The following SLC30A6 variants were observed in gnomAD, a reference collection of about 807,000 sequenced individuals.
SLC30A6 encodes zinc transporter 6.
Under a neutral mutation model 63.0 loss-of-function variants are expected in SLC30A6, and 55 were observed. The ratio of observed to expected loss-of-function variants is 0.87; its 90% confidence interval spans 0.70 to 1.09. SLC30A6 has a LOEUF of 1.09. SLC30A6 is among the 50% of genes least tolerant of loss of function. The probability of loss-of-function intolerance (pLI) is 0.00; values close to 1 mark genes in which losing one functional copy is unlikely to be tolerated. For synonymous variants in SLC30A6, 224 were observed against 186.1 expected, an observed-to-expected ratio of 1.20 and a Z score of -1.66; for missense variants, 587 against 549.2, an observed-to-expected ratio of 1.07 and a Z score of -0.69.
At chr2:32,173,264 A>G (rs1681396500) in intron 2 of SLC30A6, among the ~76,000 whole-genome samples, 1 of 152,148 alleles carries the variant, frequency 6.6e-6, no homozygotes, top group Non-Finnish European at 1.5e-5. Flanking sequence ...GTGCCCACTA[A>G]TTCACATAAA....
At chr2:32,213,821 T>A (rs1685467651) in intron 13 of SLC30A6, among the ~76,000 whole-genome samples, 1 of 144,684 alleles carries the variant, frequency 6.9e-6, no homozygotes, top group Non-Finnish European at 1.5e-5. Context: ...GTTTTTGTTT[T>A]GAGACGGAGT....
intron 12 of SLC30A6, among the ~76,000 whole-genome samples, chr2:32,207,667 C>T (rs1396994312): frequency 1.4e-5 from 2 of 141,726 alleles, no homozygotes; most frequent in African/African-American, 5.2e-5. Context: ...GTCCACAGCG[C>T]CTGGCCCGCC....
intron 10 of SLC30A6, among the ~76,000 whole-genome samples, chr2:32,199,975 C>T (rs1366075532): frequency 2.0e-5 from 3 of 151,882 alleles, no homozygotes; most frequent in African/African-American, 4.8e-5. Context: ...ATTAGCTGGG[C>T]GTGGTGATGC....
At chr2:32,189,096 CAT>C (rs1683092879) in intron 5 of SLC30A6, among the ~76,000 whole-genome samples, 1 of 152,080 alleles carries the variant, frequency 6.6e-6, no homozygotes, top group Non-Finnish European at 1.5e-5. Context: ...TTTTAGTGCA[CAT>C]GTGTACCCAT....
In SLC30A6 at chr2:32,175,199, G is replaced by A. The variant is rs1045707451; in HGVS notation, c.176-120G>A. 4 of 798,466 alleles carry A rather than the reference G, an allele frequency of 5.0e-6. No homozygotes were observed. In the African/African-American group the frequency reaches 7.0e-5, roughly 14 times the overall value. The allele number at this position is 798,466 out of a possible 1,614,324, so 49.5% of individuals were successfully genotyped here. A position where few individuals can be genotyped will look rare whatever the true frequency, so the allele number is the denominator to read the frequency against. ...AGATAACTGCCAATATATGAGGTTG[G>A]CCCGTGACTCAAAAGTTTTTTTGAT... On this transcript the variant is annotated intron_variant, in intron 3 of 13. Transcript: ENST00000282587.
rs571870955 is a variant in SLC30A6 at position 32,197,021 on chromosome 2, C to G, written c.497-323C>G. On this transcript the variant is annotated intron_variant, in intron 8 of 13. Coordinates refer to ENST00000282587, the MANE Select transcript of SLC30A6 (RefSeq NM_017964.5). ...GTTGCAGTGAGCCGAGATGGCACCA[C>G]TGCACTCCAGCCTGGGCAGAAAGAG... Among the ~76,000 whole-genome samples the G allele has an allele frequency of 3.0e-3, 463 of 152,296 alleles. 1 individual carries two copies. The highest frequency in any genetic ancestry group is 0.011 in the African/African-American group (440 of 41,574).
At chr2:32,214,257 T>G (rs893524982) in intron 13 of SLC30A6, among the ~76,000 whole-genome samples, 4 of 152,140 alleles carry the variant, frequency 2.6e-5, no homozygotes, top group Admixed American at 1.3e-4. Flanking sequence ...TTTTATGGGA[T>G]AATCTTTGTA....
At chr2:32,186,273 T>C (rs1682805397) in intron 5 of SLC30A6, among the ~76,000 whole-genome samples, 1 of 152,220 alleles carries the variant, frequency 6.6e-6, no homozygotes, top group Non-Finnish European at 1.5e-5. Context: ...GGCCTCAAAG[T>C]GCCAGGCCCA....
intron 4 of SLC30A6, among the ~76,000 whole-genome samples, chr2:32,181,847 G>T (rs555053728): frequency 1.1e-4 from 17 of 150,744 alleles, no homozygotes; most frequent in African/African-American, 3.9e-4. Flanking sequence ...CAACCTGGGC[G>T]ACAGAGTGAG....
chr2:32,202,325 A>G, intron 10 of SLC30A6: 1 of 402,240 alleles, frequency 2.5e-6, no homozygotes. Context: ...AGATCAAGAA[A>G]CAGTTTTTTG....
At chr2:32,210,446 C>G (rs1219585661) in intron 13 of SLC30A6, among the ~76,000 whole-genome samples, 1 of 135,854 alleles carries the variant, frequency 7.4e-6, no homozygotes, top group African/African-American at 2.8e-5. Context: ...ACCCGGGAGG[C>G]AGAGGTTGCA....
At chr2:32,187,725 T>C (rs1682961551) in intron 5 of SLC30A6, among the ~76,000 whole-genome samples, 1 of 152,198 alleles carries the variant, frequency 6.6e-6, no homozygotes. Context: ...ACCTATTCCT[T>C]TGTAGTTTTC....
At chr2:32,197,492 C>G in intron 9 of SLC30A6, 100 bp downstream of exon 9, 1 of 1,297,154 alleles carries the variant, frequency 7.7e-7, no homozygotes, top group South Asian at 1.2e-5. Flanking sequence ...GAGGTTACTA[C>G]GTGAATCACA....
chr2:32,186,928 C>T (rs1473160908), intron 5 of SLC30A6, among the ~76,000 whole-genome samples: 1 of 134,900 alleles, frequency 7.4e-6, no homozygotes, highest in Non-Finnish European at 1.5e-5. Flanking sequence ...ACCTGGGAGG[C>T]AGAGGTTTCA....
intron 13 of SLC30A6, among the ~76,000 whole-genome samples, chr2:32,219,755 G>C (rs1686012676): frequency 6.6e-6 from 1 of 152,060 alleles, no homozygotes; most frequent in Non-Finnish European, 1.5e-5. Flanking sequence ...TTATATATTG[G>C]TATTATTGCT....
At chr2:32,175,471 G>C in intron 4 of SLC30A6, 110 bp downstream of exon 4, 1 of 877,854 alleles carries the variant, frequency 1.1e-6, no homozygotes, top group Non-Finnish European at 1.8e-6. Context: ...TATCTTACAA[G>C]AAAACAATAA....
chr2:32,201,232 G>C (rs528285633), intron 10 of SLC30A6, among the ~76,000 whole-genome samples: 1 of 152,324 alleles, frequency 6.6e-6, no homozygotes, highest in African/African-American at 2.4e-5. Context: ...TTTCTAGCAT[G>C]TGGGGAAAAG....
chr2:32,197,288 C>T (rs1470553058), intron 8 of SLC30A6, 56 bp from the exon 9 acceptor site: 2 of 1,454,744 alleles, frequency 1.4e-6, no homozygotes, highest in Non-Finnish European at 1.9e-6. Context: ...TCAAATATTT[C>T]AGGTAGTGGT....
Position 32,206,918 on chromosome 2 carries a change from C to A in SLC30A6, c.801C>A (p.Asp267Glu), listed in dbSNP as rs141245207. 1 of 1,609,562 alleles carries A rather than the reference C, an allele frequency of 6.2e-7. No homozygotes were observed. Among genetic ancestry groups the A allele is most frequent in the African/African-American group, 1.3e-5 (1 of 74,810 alleles). ...TTPPHVIGQL[D>E]KLIREVSTLD... is the part of the protein sequence containing the mutation. ...CACCCCATGTTATTGGTCAGTTGGA[C>A]AAACTCATCAGAGAGGTAAGATGGA... The change falls in exon 12 of 14, where the codon GAC becomes GAA. Residue 267 changes from aspartate (D) to glutamate (E), a missense_variant. Physicochemically the swap from Asp to Glu is conservative, Grantham distance 45. Coordinates refer to ENST00000282587, the MANE Select transcript of SLC30A6 (RefSeq NM_017964.5).
Sources: gnomAD v4.1 joint callset for allele counts (sites outside exome capture counted in the v4.1 genomes callset) on GRCh38, gnomAD v4.1.1 for gene constraint, MANE v1.5 for transcripts, NCBI Gene and HGNC (gene_info 2026-07-23, HGNC 2026-07-21) for gene names.